MGST1: variants seen among roughly 807,000 people sequenced by gnomAD.
MGST1 encodes glutathione S-transferase 12.
MGST1 carries 5 observed loss-of-function variants against 8.9 expected under a neutral mutation model. The observed-to-expected ratio is 0.56, with a 90% CI of 0.29 to 1.19. MGST1 has a LOEUF of 1.19. Among genes scored for constraint, MGST1 ranks in the 50% most tolerant of loss-of-function variants. The probability of loss-of-function intolerance (pLI) is 0.08; values close to 1 mark genes in which losing one functional copy is unlikely to be tolerated. For missense variants in MGST1, 182 were observed against 187.4 expected (o/e 0.97, Z 0.17); for synonymous variants, 54 against 67.8 (o/e 0.80, Z 1.00).
At chr12:16,408,540 C>A (rs913474568) in intron 1 of MGST1, among the ~76,000 whole-genome samples, 1 of 152,096 alleles carries the variant, frequency 6.6e-6, no homozygotes, top group African/African-American at 2.4e-5. Context: ...ACCAACTGTA[C>A]CTCTTTTAAA....
downstream of MGST1, among the ~76,000 whole-genome samples, chr12:16,443,740 A>G (rs1192683021): frequency 6.6e-6 from 1 of 151,862 alleles, no homozygotes; most frequent in East Asian, 1.9e-4. Flanking sequence ...ACAGTCTCAT[A>G]TGTATCCATA....
At chr12:16,451,591 T>A (rs560449400) in intron 4 of MGST1, among the ~76,000 whole-genome samples, 291 of 151,946 alleles carry the variant, frequency 1.9e-3, no homozygotes, top group African/African-American at 6.7e-3. Context: ...ATGAATTTTT[T>A]AAAAAAGAAA....
intron 4 of MGST1, among the ~76,000 whole-genome samples, chr12:16,508,634 C>A (rs1941556830): frequency 6.6e-6 from 1 of 152,154 alleles, no homozygotes; most frequent in African/African-American, 2.4e-5. Context: ...AGTCCATGAT[C>A]TGATCTTCAA....
At chr12:16,418,210 T>C (rs1940802929) in intron 1 of MGST1, among the ~76,000 whole-genome samples, 1 of 152,188 alleles carries the variant, frequency 6.6e-6, no homozygotes, top group Admixed American at 6.5e-5. Context: ...ATTGTCTTCA[T>C]TTTACTGAAA....
At chr12:16,406,355 C>T (rs762919723) in intron 1 of MGST1, among the ~76,000 whole-genome samples, 5 of 151,932 alleles carry the variant, frequency 3.3e-5, no homozygotes, top group Non-Finnish European at 7.4e-5. Context: ...CAGCTAACCA[C>T]GGAGGTGAAA....
intron 1 of MGST1, among the ~76,000 whole-genome samples, chr12:16,390,194 CAG>C (rs946295908): frequency 1.3e-4 from 19 of 147,640 alleles, no homozygotes; most frequent in African/African-American, 4.6e-4. Context: ...GAGGGCACCT[CAG>C]GGGAAAAAAA....
At chr12:16,376,977 A>G (rs953524184) in exon 4 of MGST1, 3 of 152,044 alleles carry the variant, frequency 2.0e-5, no homozygotes, top group African/African-American at 7.2e-5. Flanking sequence ...TCTAAAATTA[A>G]AAGTTAAAGC....
chr12:16,416,224 C>G (rs542347437), intron 1 of MGST1, among the ~76,000 whole-genome samples: 24 of 152,196 alleles, frequency 1.6e-4, no homozygotes, highest in Non-Finnish European at 2.8e-4. Context: ...TAAGAACTTG[C>G]ATGTTTCTGC....
intron 4 of MGST1, chr12:16,573,446 T>C (rs905387611): frequency 6.6e-6 from 1 of 152,208 alleles, no homozygotes; most frequent in Non-Finnish European, 1.5e-5. Context: ...TGTCTTTCTA[T>C]GTGCTTGTGT....
At chr12:16,365,727 AT>A (rs1167236732), downstream of MGST1, among the ~76,000 whole-genome samples, 1 of 128,800 alleles carries the variant, frequency 7.8e-6, no homozygotes, top group Non-Finnish European at 1.6e-5. Context: ...GTGCATGAAC[AT>A]GCACGCGTGC....
chr12:16,505,172 TC>T (rs1941529275), intron 4 of MGST1, among the ~76,000 whole-genome samples: 1 of 152,136 alleles, frequency 6.6e-6, no homozygotes, highest in South Asian at 2.1e-4. Flanking sequence ...CATCTAAAAC[TC>T]CAGACTTTTT....
Position 16,546,207 on chromosome 12 carries a change from T to G in MGST1, n.483-43321T>G, listed in dbSNP as rs1031678589. Among the ~76,000 whole-genome samples the G allele has an allele frequency of 1.3e-5, 2 of 152,136 alleles. No homozygotes were observed. Among genetic ancestry groups the G allele is most frequent in the Non-Finnish European group, 2.9e-5 (2 of 67,998 alleles). On this transcript the variant is annotated intron_variant and non_coding_transcript_variant, in intron 4 of 4. Transcript: ENST00000538857. The surrounding 1 kb of genome is among the most constrained non-coding windows in gnomAD (Gnocchi z 4.7). The stretch of plus-strand genomic sequence containing the variant: ...ACCTGTTTCAAATGAACTGTTTTGC[T>G]TTAGGTGATTTAAACTCTTCTCCAG...
intron 1 of MGST1, among the ~76,000 whole-genome samples, chr12:16,387,545 G>C (rs1226693535): frequency 9.5e-6 from 1 of 104,896 alleles, no homozygotes; most frequent in Non-Finnish European, 2.0e-5. Flanking sequence ...TTTTTTTTTT[G>C]AGATGGAGTC....
intron 4 of MGST1, among the ~76,000 whole-genome samples, chr12:16,483,799 A>C (rs2137147964): frequency 6.6e-6 from 1 of 152,306 alleles, no homozygotes; most frequent in South Asian, 2.1e-4. Context: ...AAAATTAGTA[A>C]GAATGTGAAA....
At position 16,363,235 on chromosome 12, in the gene MGST1, G is replaced by A. The variant is rs868195843; in HGVS notation, c.222-560G>A. Reference sequence around the variant, plus strand: ...AGCAAAAATTTTACTATATTTGAAAGGCTAGTTATGTATTCTGTTATTTAG... The same window carrying A: ...AGCAAAAATTTTACTATATTTGAAAAGCTAGTTATGTATTCTGTTATTTAG... On this transcript the variant is annotated intron_variant, in intron 3 of 3. Transcript: ENST00000396210. The surrounding 1 kb of genome is among the most constrained non-coding windows in gnomAD (Gnocchi z 4.6). 3.9e-5 allele frequency: 6 copies of A among 152,148 alleles called. No homozygotes were observed. Among genetic ancestry groups the A allele is most frequent in the Non-Finnish European group, 7.3e-5 (5 of 68,038 alleles). 9.4% of individuals were successfully genotyped at this position (152,148 alleles called of 1,614,324 possible). A position where few individuals can be genotyped will look rare whatever the true frequency, so the allele number is the denominator to read the frequency against.
intron 4 of MGST1, among the ~76,000 whole-genome samples, chr12:16,518,469 C>T (rs1045476504): frequency 4.6e-5 from 7 of 152,138 alleles, no homozygotes; most frequent in Non-Finnish European, 1.0e-4. Flanking sequence ...TTATAGCTAA[C>T]ACTAGTCAAA....
At position 16,560,553 on chromosome 12, in the gene MGST1, AT is replaced by A. The variant is rs3214385; in HGVS notation, n.483-28962del. The A allele has an allele frequency of 0.079, 105,046 of 1,323,642 alleles. 3,312 individuals are homozygous for A. The highest frequency in any genetic ancestry group is 0.37 in the African/African-American group (24,688 of 67,322). 82.0% of individuals were successfully genotyped at this position (1,323,642 alleles called of 1,614,324 possible). A position where few individuals can be genotyped will look rare whatever the true frequency, so the allele number is the denominator to read the frequency against. ...CACCAAAGAGCCTAGAATAAGAAAC[AT>A]TTTTTTTTTTTTACAAACTCTTACA... On this transcript the variant is annotated intron_variant and non_coding_transcript_variant, in intron 4 of 4. Transcript: ENST00000538857. The surrounding 1 kb of genome is among the most constrained non-coding windows in gnomAD (Gnocchi z 5.0).
In MGST1 at chr12:16,364,262, A is replaced by G. The variant is rs1456687412; in HGVS notation, c.*221A>G. On this transcript the variant is annotated 3_prime_UTR_variant, in exon 4 of 4. Coordinates refer to ENST00000396210, the MANE Select transcript of MGST1 (RefSeq NM_020300.5). The surrounding 1 kb of genome is among the most constrained non-coding windows in gnomAD (Gnocchi z 5.7). ...TTCTTAAGTCTTTTGTCTGATTTTT[A>G]AAGTACTTTCTTATAAATTTGGATC... 3.3e-6 allele frequency: 4 copies of G among 1,224,846 alleles called. No homozygotes were observed. The East Asian group carries it at 1.3e-4, about 40-fold the overall frequency. The allele number at this position is 1,224,846 out of a possible 1,614,324, so 75.9% of individuals were successfully genotyped here. A position where few individuals can be genotyped will look rare whatever the true frequency, so the allele number is the denominator to read the frequency against.
chr12:16,383,653 G>T (rs1456330063), intron 1 of MGST1: 1 of 152,100 alleles, frequency 6.6e-6, no homozygotes, highest in African/African-American at 2.4e-5. Context: ...TAGAGATGGG[G>T]TTTCTCAATG....
Sources: gnomAD v4.1 joint callset for allele counts (sites outside exome capture counted in the v4.1 genomes callset) on GRCh38, gnomAD v4.1.1 for gene constraint, Gnocchi (gnomAD v3.1) non-coding constraint, MANE v1.5 for transcripts, NCBI Gene and HGNC (gene_info 2026-07-23, HGNC 2026-07-21) for gene names.